The following CACNA1D variants were observed in gnomAD, a reference collection of about 807,000 sequenced individuals.
The protein encoded by CACNA1D is calcium voltage-gated channel subunit alpha1 D.
In CACNA1D, 55 loss-of-function variants were observed where a neutral mutation model predicts 257.1. The ratio of observed to expected loss-of-function variants is 0.21; its 90% confidence interval spans 0.17 to 0.27. The LOEUF (loss-of-function observed/expected upper bound fraction) is 0.27. Among genes scored for constraint, CACNA1D ranks in the 10% least tolerant of loss-of-function variants. The pLI is 1.00. For missense variants in CACNA1D, 1,876 were observed against 2,784.0 expected (o/e 0.67, Z 7.34); for synonymous variants, 980 against 1,014.9 (o/e 0.97, Z 0.65).
At chr3:53,707,373 C>T (rs1216584734) in intron 9 of CACNA1D, among the ~76,000 whole-genome samples, 1 of 152,102 alleles carries the variant, frequency 6.6e-6, no homozygotes, top group Non-Finnish European at 1.5e-5. Context: ...GTCCAGGATG[C>T]TATCAGTGGC....
intron 3 of CACNA1D, among the ~76,000 whole-genome samples, chr3:53,534,016 A>G (rs2092035110): frequency 6.6e-6 from 1 of 152,208 alleles, no homozygotes; most frequent in African/African-American, 2.4e-5. Flanking sequence ...CAGCTGTAGT[A>G]GAGGAGCTGA....
At chr3:53,665,992 C>A (rs1266522758) in intron 6 of CACNA1D, among the ~76,000 whole-genome samples, 180 bp downstream of exon 6, 2 of 152,096 alleles carry the variant, frequency 1.3e-5, no homozygotes, top group African/African-American at 4.8e-5. Flanking sequence ...AATTCAGTCT[C>A]CCTTTCCACC....
chr3:53,708,233 T>C (rs947445083), intron 9 of CACNA1D, among the ~76,000 whole-genome samples: 2 of 152,272 alleles, frequency 1.3e-5, no homozygotes, highest in Non-Finnish European at 1.5e-5. Context: ...TTTTGAAATT[T>C]TGATTTACAA....
chr3:53,786,189 G>A (rs554472122), intron 39 of CACNA1D: 1 of 154,088 alleles, frequency 6.5e-6, no homozygotes, highest in South Asian at 2.0e-4. Flanking sequence ...GCTCAACTAT[G>A]AGGTTGGTTG....
Position 53,800,584 on chromosome 3 carries a change from C to T in CACNA1D, c.5040+219C>T. The T allele has an allele frequency of 1.6e-6, 1 of 609,916 alleles. No individual in the cohort carries two copies. The highest frequency in any genetic ancestry group is 3.0e-6 in the Non-Finnish European group (1 of 334,474). The allele number at this position is 609,916 out of a possible 1,614,324, so 37.8% of individuals were successfully genotyped here. ...CAGCTCTTTCCCTGAGCTTACCCAG[C>T]TTCCCCTCACTGCCTGCTTCTGAGG... On this transcript the variant is annotated intron_variant, in intron 41 of 47. Coordinates refer to ENST00000350061, the MANE Select transcript of CACNA1D (RefSeq NM_001128840.3). This position sits in a 1 kb window ranked among gnomAD's most constrained non-coding sequence, Gnocchi z 4.3.
chr3:53,601,859 C>T lies in CACNA1D; in HGVS notation c.484-48920C>T, dbSNP rs117142810. Among the ~76,000 whole-genome samples, 710 of 152,180 alleles carry T rather than the reference C, an allele frequency of 4.7e-3. 27 individuals carry two copies. In the East Asian group the frequency reaches 0.098, roughly 21 times the overall value. On this transcript the variant is annotated intron_variant, in intron 3 of 47. Coordinates refer to ENST00000350061, the MANE Select transcript of CACNA1D (RefSeq NM_001128840.3). The stretch of plus-strand genomic sequence containing the variant: ...TAGAGTAGCTGGGATTACAGGTGCC[C>T]GCTACCATGTCTGGCTAGTTTTTGT...
chr3:53,673,598 C>T lies in CACNA1D; in HGVS notation c.1220+472C>T. The T allele has an allele frequency of 1.2e-6, 1 of 804,460 alleles. No homozygotes were observed. The highest frequency in any genetic ancestry group is 2.2e-6 in the Non-Finnish European group (1 of 449,960). The allele number at this position is 804,460 out of a possible 1,614,324, so 49.8% of individuals were successfully genotyped here. A position where few individuals can be genotyped will look rare whatever the true frequency, so the allele number is the denominator to read the frequency against. ...AAAAAGGGAAGGACCTAGGCCCAGTCCCTGTCCTAGGAGCACTAACCTTCA... is the reference window on the plus strand; with the variant it reads ...AAAAAGGGAAGGACCTAGGCCCAGTTCCTGTCCTAGGAGCACTAACCTTCA... On this transcript the variant is annotated intron_variant, in intron 8 of 47. Transcript: ENST00000350061. This position sits in a 1 kb window ranked among gnomAD's most constrained non-coding sequence, Gnocchi z 4.1.
intron 42 of CACNA1D, among the ~76,000 whole-genome samples, chr3:53,801,752 G>T (rs1441749896): frequency 1.3e-5 from 2 of 152,210 alleles, no homozygotes; most frequent in African/African-American, 4.8e-5. Context: ...TTTCTCTAAA[G>T]GGTCAGTGAG....
At chr3:53,699,627 C>T (rs1235193110) in intron 8 of CACNA1D, among the ~76,000 whole-genome samples, 2 of 152,236 alleles carry the variant, frequency 1.3e-5, no homozygotes, top group African/African-American at 4.8e-5. Context: ...CTTCCTCCAT[C>T]CTGCCCTGTG....
intron 3 of CACNA1D, among the ~76,000 whole-genome samples, chr3:53,599,421 A>G (rs1007681861): frequency 1.3e-5 from 2 of 152,062 alleles, no homozygotes; most frequent in African/African-American, 4.8e-5. Flanking sequence ...TTTTTTTTAT[A>G]TGAGTCGCAA....
intron 3 of CACNA1D, among the ~76,000 whole-genome samples, chr3:53,631,750 G>A (rs2093824533): frequency 6.6e-6 from 1 of 152,232 alleles, no homozygotes; most frequent in South Asian, 2.1e-4. Context: ...TTCATGGGCT[G>A]CAGAATGGAT....
At chr3:53,692,190 G>A (rs528558414) in intron 8 of CACNA1D, among the ~76,000 whole-genome samples, 1 of 151,820 alleles carries the variant, frequency 6.6e-6, no homozygotes, top group Non-Finnish European at 1.5e-5. Context: ...AGATAAGACA[G>A]ACACAGCCCC....
In CACNA1D at chr3:53,774,636, A is replaced by G. The variant is rs1171785391; in HGVS notation, c.4160A>G (p.Asn1387Ser). 1 of 1,613,270 alleles carries G rather than the reference A, an allele frequency of 6.2e-7. No individual in the cohort carries two copies. Among genetic ancestry groups the G allele is most frequent in the South Asian group, 1.1e-5 (1 of 91,070 alleles). Residue 1387 changes from asparagine (N) to serine (S), a missense_variant, in exon 34 of 48, where the codon AAT becomes AGT. Coordinates refer to ENST00000350061, the MANE Select transcript of CACNA1D (RefSeq NM_001128840.3). This position sits in a 1 kb window ranked among gnomAD's most constrained non-coding sequence, Gnocchi z 4.3. ...GATAACAACCAGATCAATAGGAACA[A>G]TAACTTCCAGACGTTTCCCCAGGCG... ...MRDNNQINRN[N>S]NFQTFPQAVL...
intron 5 of CACNA1D, among the ~76,000 whole-genome samples, chr3:53,662,149 G>C (rs1166529562): frequency 6.6e-6 from 1 of 152,188 alleles, no homozygotes; most frequent in Non-Finnish European, 1.5e-5. Context: ...GAATTGTTTA[G>C]TCCCTGCTAA....
chr3:53,595,123 A>G (rs750882172), intron 3 of CACNA1D, among the ~76,000 whole-genome samples: 2 of 152,210 alleles, frequency 1.3e-5, no homozygotes, highest in Non-Finnish European at 2.9e-5. Context: ...AGCTATTAAA[A>G]TGGTGCATTA....
intron 47 of CACNA1D, among the ~76,000 whole-genome samples, chr3:53,810,772 A>C (rs1174165286): frequency 3.4e-5 from 5 of 148,770 alleles, no homozygotes; most frequent in Non-Finnish European, 5.9e-5. Flanking sequence ...AAAAAAAAAA[A>C]AAAAAAAAAA....
rs557487378 is a variant in CACNA1D, at chr3:53,741,210, G to A, written c.2811+871G>A. 5.3e-5 allele frequency among the ~76,000 whole-genome samples: 8 copies of A among 152,272 alleles called. No homozygotes were observed. The East Asian group carries it at 1.5e-3, about 29-fold the overall frequency. On this transcript the variant is annotated intron_variant, in intron 21 of 47. Transcript: ENST00000350061. ...AACTGGCCAAGAACCACAGGGCGTG[G>A]GTCATTGTGGTTCTGGGAGAACGTG...
intron 29 of CACNA1D, among the ~76,000 whole-genome samples, chr3:53,755,606 A>G (rs2095258852): frequency 6.6e-6 from 1 of 152,182 alleles, no homozygotes; most frequent in Non-Finnish European, 1.5e-5. Context: ...ACTCAGCAAG[A>G]TATCTTCATA....
At chr3:53,600,877 T>C (rs2093432591) in intron 3 of CACNA1D, among the ~76,000 whole-genome samples, 1 of 152,216 alleles carries the variant, frequency 6.6e-6, no homozygotes, top group Non-Finnish European at 1.5e-5. Flanking sequence ...TTCTGAATGA[T>C]TGAAACAGAT....
Sources: allele counts gnomAD v4.1 joint callset (sites outside exome capture counted in the v4.1 genomes callset), GRCh38; gene constraint gnomAD v4.1.1; non-coding constraint Gnocchi (gnomAD v3.1); transcripts MANE v1.5; gene names NCBI Gene and HGNC (gene_info 2026-07-23, HGNC 2026-07-21).